PTPRD: variants seen among roughly 807,000 people sequenced by gnomAD.
PTPRD encodes receptor-type tyrosine-protein phosphatase delta.
PTPRD carries 34 observed loss-of-function variants against 214.5 expected under a neutral mutation model. The observed-to-expected ratio is 0.16, with a 90% CI of 0.12 to 0.21. The LOEUF is 0.21. Among genes scored for constraint, PTPRD ranks in the 10% least tolerant of loss-of-function variants. The pLI is 1.00. For missense variants in PTPRD, 2,545 were observed against 2,398.7 expected, an observed-to-expected ratio of 1.06 and a Z score of -1.27; for synonymous variants, 1,128 against 845.7, an observed-to-expected ratio of 1.33 and a Z score of -5.79.
intron 9 of PTPRD, among the ~76,000 whole-genome samples, chr9:9,367,033 A>G (rs2058075847): frequency 6.7e-6 from 1 of 150,364 alleles, no homozygotes; most frequent in Non-Finnish European, 1.5e-5. Flanking sequence ...ACATTGAAAA[A>G]TGATAAATTT....
intron 9 of PTPRD, among the ~76,000 whole-genome samples, chr9:9,206,988 T>C (rs2099945262): frequency 6.6e-6 from 1 of 152,178 alleles, no homozygotes; most frequent in Non-Finnish European, 1.5e-5. Context: ...GCTATTGTAA[T>C]AAACCAGGTG....
intron 7 of PTPRD, among the ~76,000 whole-genome samples, chr9:9,684,695 G>T (rs1424756257): frequency 6.7e-6 from 1 of 149,334 alleles, no homozygotes; most frequent in Non-Finnish European, 1.5e-5. Flanking sequence ...TACAGCATTT[G>T]TGTGTGTGTG....
chr9:8,512,762 A>G (rs2097707013), intron 21 of PTPRD, among the ~76,000 whole-genome samples: 1 of 152,014 alleles, frequency 6.6e-6, no homozygotes, highest in African/African-American at 2.4e-5. Context: ...ATGTAATTAG[A>G]GGTCAGACAT....
chr9:8,689,237 T>C (rs1257816471), intron 12 of PTPRD, among the ~76,000 whole-genome samples: 1 of 152,178 alleles, frequency 6.6e-6, no homozygotes, highest in Non-Finnish European at 1.5e-5. Flanking sequence ...AAATAAACTG[T>C]GTGGATAGAA....
Position 10,037,207 on chromosome 9 carries a change from G to A in PTPRD, c.-544-3417C>T, listed in dbSNP as rs528567527. On this transcript the variant is annotated intron_variant, in intron 3 of 45. Coordinates refer to ENST00000381196, the MANE Select transcript of PTPRD (RefSeq NM_002839.4). ...AAAATAATATTTAAAATAGAAAACC[G>A]ATATGGCTTGGATCTTTGTCCCCAC... is the stretch of plus-strand genomic sequence containing the variant. 5.3e-5 allele frequency among the ~76,000 whole-genome samples: 8 copies of A among 152,148 alleles called. No homozygotes were observed. The South Asian group carries it at 8.3e-4, about 16-fold the overall frequency.
At chr9:9,853,280 C>T (rs2060893858) in intron 5 of PTPRD, among the ~76,000 whole-genome samples, 1 of 152,144 alleles carries the variant, frequency 6.6e-6, no homozygotes, top group South Asian at 2.1e-4. Context: ...GGGTGTGTTA[C>T]AGTATAGTTT....
Position 9,947,003 on chromosome 9 carries a change from C to T in PTPRD, c.-471-8393G>A, listed in dbSNP as rs535603330. On this transcript the variant is annotated intron_variant, in intron 4 of 45. Coordinates refer to ENST00000381196, the MANE Select transcript of PTPRD (RefSeq NM_002839.4). ...GAAGCCATGCATAGAGTTCTATTTG[C>T]TTGTGAAGATCAGAAAATGCCTTAG... Among the ~76,000 whole-genome samples, 66 of 151,590 alleles carry T rather than the reference C, an allele frequency of 4.4e-4. No homozygotes were observed. In the South Asian group the frequency reaches 0.014, roughly 31 times the overall value.
intron 31 of PTPRD, among the ~76,000 whole-genome samples, chr9:8,467,773 A>G (rs2096572580): frequency 6.8e-6 from 1 of 147,730 alleles, no homozygotes; most frequent in African/African-American, 2.5e-5. Context: ...GATTCTTTTC[A>G]TATGCTAATT....
At position 9,931,940 on chromosome 9, in the gene PTPRD, C is replaced by T. The variant is rs566815191; in HGVS notation, c.-368+6567G>A. On this transcript the variant is annotated intron_variant, in intron 5 of 45. Transcript: ENST00000381196. ...GACCCCTGACCCCCGAGCAGCCTAA[C>T]TGGGAGGCACCCCCCAGCAGGGGCA... 7.9e-5 allele frequency among the ~76,000 whole-genome samples: 12 copies of T among 151,992 alleles called. No individual in the cohort carries two copies. In the Middle Eastern group the frequency reaches 0.014, roughly 174 times the overall value.
At chr9:10,113,277 G>T (rs1434306818) in intron 3 of PTPRD, among the ~76,000 whole-genome samples, 2 of 152,126 alleles carry the variant, frequency 1.3e-5, no homozygotes, top group African/African-American at 2.4e-5. Context: ...TATATATGAT[G>T]ATTGTTTTCA....
At chr9:9,297,007 G>C (rs752299334) in intron 9 of PTPRD, among the ~76,000 whole-genome samples, 1 of 151,710 alleles carries the variant, frequency 6.6e-6, no homozygotes, top group Non-Finnish European at 1.5e-5. Context: ...GCACCTTTAA[G>C]CAGACTGACT....
intron 3 of PTPRD, among the ~76,000 whole-genome samples, chr9:10,235,684 T>C (rs2099626665): frequency 6.6e-6 from 1 of 152,028 alleles, no homozygotes; most frequent in African/African-American, 2.4e-5. Context: ...GAAAATCCAT[T>C]GTCATTAAAC....
chr9:8,347,393 C>G (rs534587662), intron 39 of PTPRD, among the ~76,000 whole-genome samples: 2 of 152,196 alleles, frequency 1.3e-5, no homozygotes, highest in Admixed American at 1.3e-4. Flanking sequence ...CTACCATGTG[C>G]TGAGACATCG....
intron 11 of PTPRD, among the ~76,000 whole-genome samples, chr9:8,793,171 C>T (rs1201634390): frequency 6.6e-6 from 1 of 152,212 alleles, no homozygotes; most frequent in African/African-American, 2.4e-5. Context: ...AACAGGGTTA[C>T]TGCATGCCAT....
chr9:8,908,994 T>G (rs985521606), intron 11 of PTPRD, among the ~76,000 whole-genome samples: 2 of 150,530 alleles, frequency 1.3e-5, no homozygotes, highest in East Asian at 1.9e-4. Flanking sequence ...ATATAAAATA[T>G]ATAATTATGG....
At chr9:10,331,049 C>G (rs1489248569) in intron 3 of PTPRD, among the ~76,000 whole-genome samples, 2 of 151,800 alleles carry the variant, frequency 1.3e-5, no homozygotes, top group Non-Finnish European at 2.9e-5. Flanking sequence ...CCTAATGGTT[C>G]AGCTGACTTA....
At chr9:10,174,669 A>C (rs921313917) in intron 3 of PTPRD, among the ~76,000 whole-genome samples, 2 of 151,980 alleles carry the variant, frequency 1.3e-5, no homozygotes, top group Non-Finnish European at 2.9e-5. Context: ...TATTTCCCCA[A>C]AAAAAGTGAA....
intron 4 of PTPRD, among the ~76,000 whole-genome samples, chr9:9,971,794 TAATCTCTTTGTGTACTTAAATTTTA>T (rs1363481613): frequency 6.6e-6 from 1 of 152,092 alleles, no homozygotes; most frequent in African/African-American, 2.4e-5. Flanking sequence ...CTTTATCCCA[TAATCTCTTTGTGTACTTAAATTTTA>T]AACTGTATAA....
chr9:9,115,683 G>A (rs958661182), intron 10 of PTPRD, among the ~76,000 whole-genome samples: 7 of 152,102 alleles, frequency 4.6e-5, no homozygotes, highest in African/African-American at 1.7e-4. Context: ...GCATGCCTAT[G>A]TTTATCACAA....
Sources: allele counts gnomAD v4.1 joint callset (sites outside exome capture counted in the v4.1 genomes callset), GRCh38; gene constraint gnomAD v4.1.1; transcripts MANE v1.5; gene names NCBI Gene and HGNC (gene_info 2026-07-23, HGNC 2026-07-21).